Variants in SLC9C2 observed in about 807,000 individuals in gnomAD.
SLC9C2 encodes the protein sodium/hydrogen exchanger 11.
In SLC9C2, 75 loss-of-function variants were observed where a neutral mutation model predicts 140.2. The observed-to-expected ratio is 0.53, with a 90% CI of 0.44 to 0.65. SLC9C2 has a LOEUF of 0.65. Among genes scored for constraint, SLC9C2 ranks in the 30% least tolerant of loss-of-function variants. SLC9C2 has a pLI of 0.00. For missense variants in SLC9C2, 1,074 were observed against 1,331.8 expected (o/e 0.81, Z 3.01); for synonymous variants, 375 against 420.9 (o/e 0.89, Z 1.34).
intron 13 of SLC9C2, among the ~76,000 whole-genome samples, chr1:173,544,589 A>G (rs948989128): frequency 1.3e-5 from 2 of 152,228 alleles, no homozygotes; most frequent in Admixed American, 6.5e-5. Flanking sequence ...TCACAATAGC[A>G]AAGACTTGGA....
intron 27 of SLC9C2, among the ~76,000 whole-genome samples, chr1:173,502,307 T>C (rs11580117): frequency 0.071 from 10,680 of 151,022 alleles, 555 homozygotes; most frequent in Middle Eastern, 0.12. Context: ...AGCTGTTTAT[T>C]TGGGATGACT....
chr1:173,550,872 A>AAGAGAGAGAGAGAG (rs143296396), intron 11 of SLC9C2, among the ~76,000 whole-genome samples: 868 of 86,456 alleles, frequency 0.01, 38 homozygotes, highest in African/African-American at 0.019. Context: ...GAGCCGTTGA[A>AAGAGAGAGAGAGAG]AGAGAGAGAG....
intron 23 of SLC9C2, among the ~76,000 whole-genome samples, chr1:173,510,936 A>G (rs1336682721): frequency 6.6e-6 from 1 of 151,514 alleles, no homozygotes; most frequent in African/African-American, 2.4e-5. Context: ...GGTTGAACTA[A>G]TTTACATTCC....
intron 25 of SLC9C2, 45 bp from the exon 26 acceptor site, chr1:173,505,376 C>A: frequency 7.1e-7 from 1 of 1,416,036 alleles, no homozygotes; most frequent in South Asian, 1.2e-5. Flanking sequence ...ATTCTTTGAT[C>A]TCTAACCTGG....
intron 4 of SLC9C2, among the ~76,000 whole-genome samples, chr1:173,594,875 A>G (rs1291357448): frequency 1.3e-5 from 2 of 152,274 alleles, no homozygotes; most frequent in Admixed American, 1.3e-4. Flanking sequence ...TACAGTGTCA[A>G]TAAATGGAGA....
intron 9 of SLC9C2, among the ~76,000 whole-genome samples, chr1:173,564,569 C>T (rs1249946970): frequency 6.6e-6 from 1 of 151,076 alleles, no homozygotes; most frequent in Admixed American, 6.6e-5. Flanking sequence ...TTTCCTATGA[C>T]TTGTTTGAGC....
At chr1:173,566,046 A>T (rs1002577399) in intron 9 of SLC9C2, among the ~76,000 whole-genome samples, 2 of 152,066 alleles carry the variant, frequency 1.3e-5, no homozygotes, top group Non-Finnish European at 2.9e-5. Flanking sequence ...ATCATGATGA[A>T]TGATCTTTTT....
Position 173,535,880 on chromosome 1 carries a change from A to G in SLC9C2, c.1725T>C (p.Val575=). The G allele has an allele frequency of 6.6e-7, 1 of 1,513,490 alleles. No individual in the cohort carries two copies. Among genetic ancestry groups the G allele is most frequent in the South Asian group, 1.2e-5 (1 of 83,382 alleles). The allele number at this position is 1,513,490 out of a possible 1,614,324, so 93.8% of individuals were successfully genotyped here. ...CTATACAATATTCCAAGAAAGTTAAAACATTTTTAAACTTTATAAGCCAAC... is the reference window on the plus strand; with the variant it reads ...CTATACAATATTCCAAGAAAGTTAAGACATTTTTAAACTTTATAAGCCAAC... The part of the protein sequence containing the change: ...TRSWLIKFKN[V]LTFLEYCIEK... The change falls in exon 15 of 28, where the codon GTT becomes GTC. Residue 575 remains valine (V), a synonymous_variant. Transcript: ENST00000367714.
In SLC9C2 at chr1:173,583,423, G is replaced by A. The variant is rs909252586; in HGVS notation, c.640+83C>T. ...CAGCCCAAAAGTAAAGTATAGAGAA[G>A]GCAGCAAAGTTAAAACATTTGAATG... On this transcript the variant is annotated intron_variant, in intron 6 of 27. Transcript: ENST00000367714. The A allele has an allele frequency of 6.4e-6, 5 of 778,714 alleles. No individual in the cohort carries two copies. The African/African-American group carries it at 9.0e-5, about 14-fold the overall frequency. The allele number at this position is 778,714 out of a possible 1,614,324, so 48.2% of individuals were successfully genotyped here.
Position 173,602,789 on chromosome 1 carries a change from A to G in SLC9C2, c.-118T>C, listed in dbSNP as rs903230563. 6 of 152,198 alleles carry G rather than the reference A, an allele frequency of 3.9e-5. No homozygotes were observed. Among genetic ancestry groups the G allele is most frequent in the African/African-American group, 1.4e-4 (6 of 41,450 alleles). 9.4% of individuals were successfully genotyped at this position (152,198 alleles called of 1,614,324 possible). On this transcript the variant is annotated 5_prime_UTR_variant, in exon 1 of 28. Transcript: ENST00000367714. ...TTTTGCAGGTCTACAGGTCACAATG[A>G]TTCTGGTGTGAAGCAGAGGATGGGC... is the stretch of plus-strand genomic sequence containing the variant.
rs1666688692 is a variant in SLC9C2, at chr1:173,599,963, GT to G, written c.228+153del. ...CCCTAATTGATGTGTCCTTTACTGT[GT>G]GGTTATTTTCCAAATTTTTTAATAC... On this transcript the variant is annotated intron_variant, in intron 3 of 27. Transcript: ENST00000367714. Among the ~76,000 whole-genome samples the G allele has an allele frequency of 3.9e-5, 6 of 152,152 alleles. No individual in the cohort carries two copies. In the South Asian group the frequency reaches 1.0e-3, roughly 26 times the overall value.
At chr1:173,561,947 A>G (rs986552246) in intron 9 of SLC9C2, among the ~76,000 whole-genome samples, 30 of 152,182 alleles carry the variant, frequency 2.0e-4, no homozygotes, top group African/African-American at 7.0e-4. Flanking sequence ...GATTGGAATG[A>G]ATTTACCTGA....
chr1:173,505,213 A>G (rs1432144648), intron 26 of SLC9C2, 34 bp downstream of exon 26: 1 of 1,542,420 alleles, frequency 6.5e-7, no homozygotes, highest in Admixed American at 1.8e-5. Flanking sequence ...TTCCTTCTCA[A>G]TAGTTTTCCT....
chr1:173,584,901 C>T (rs1026317600), intron 5 of SLC9C2, among the ~76,000 whole-genome samples: 11 of 152,222 alleles, frequency 7.2e-5, no homozygotes, highest in Middle Eastern at 6.8e-3. Flanking sequence ...TTCAAGCTCT[C>T]TCCACCTTCT....
chr1:173,556,145 C>T (rs2102096645), intron 10 of SLC9C2, among the ~76,000 whole-genome samples: 1 of 152,266 alleles, frequency 6.6e-6, no homozygotes, highest in South Asian at 2.1e-4. Flanking sequence ...AGAAACAGAT[C>T]TGGGGTTCAT....
chr1:173,555,275 G>T (rs1424627230), intron 10 of SLC9C2: 1 of 155,770 alleles, frequency 6.4e-6, no homozygotes, highest in Non-Finnish European at 1.4e-5. Flanking sequence ...GAGAAGGCAG[G>T]AGCTGTGGTG....
At chr1:173,593,716 G>C (rs1313245832) in intron 4 of SLC9C2, among the ~76,000 whole-genome samples, 1 of 151,956 alleles carries the variant, frequency 6.6e-6, no homozygotes, top group African/African-American at 2.4e-5. Flanking sequence ...AAAAATGCAG[G>C]GGCTGTTACC....
intron 13 of SLC9C2, among the ~76,000 whole-genome samples, chr1:173,542,054 A>G (rs186611028): frequency 2.0e-5 from 3 of 152,342 alleles, no homozygotes; most frequent in African/African-American, 7.2e-5. Context: ...CCTTCAAAAA[A>G]TCAATGAATC....
At chr1:173,597,651 A>G (rs1377600358) in intron 4 of SLC9C2, among the ~76,000 whole-genome samples, 1 of 152,126 alleles carries the variant, frequency 6.6e-6, no homozygotes, top group African/African-American at 2.4e-5. Flanking sequence ...CAGTTTGCTC[A>G]TATGCAAAAT....
Sources: allele counts gnomAD v4.1 joint callset (sites outside exome capture counted in the v4.1 genomes callset), GRCh38; gene constraint gnomAD v4.1.1; transcripts MANE v1.5; gene names NCBI Gene and HGNC (gene_info 2026-07-23, HGNC 2026-07-21).